Variants in IGBP1C observed in about 807,000 individuals in gnomAD.
IGBP1C encodes the protein immunoglobulin-binding protein 1 family member C.
chr17:58,668,199 T>C, the IGBP1C span, among the ~76,000 whole-genome samples: 2 of 152,172 alleles, frequency 1.3e-5, no homozygotes, highest in Non-Finnish European at 2.9e-5. Context: ...ACCACTGACC[T>C]CCACACTGCT....
At chr17:58,682,107 T>C in the IGBP1C span, among the ~76,000 whole-genome samples, 1 of 150,780 alleles carries the variant, frequency 6.6e-6, no homozygotes, top group Non-Finnish European at 1.5e-5. Flanking sequence ...CACTACCATG[T>C]CTGGCTAACT....
At chr17:58,668,405 G>GT in the IGBP1C span, among the ~76,000 whole-genome samples, 1 of 152,210 alleles carries the variant, frequency 6.6e-6, no homozygotes, top group Admixed American at 6.6e-5. Context: ...AGGAGCTGCA[G>GT]TAACTATAAA....
the IGBP1C span, among the ~76,000 whole-genome samples, chr17:58,674,275 C>CA: frequency 0.19 from 25,168 of 134,298 alleles, 2,199 homozygotes; most frequent in Non-Finnish European, 0.21. Context: ...GACTCTGTCT[C>CA]AAAAAAAAAA....
chr17:58,671,742 C>T, the IGBP1C span, among the ~76,000 whole-genome samples: 4 of 152,108 alleles, frequency 2.6e-5, no homozygotes, highest in Non-Finnish European at 4.4e-5. Flanking sequence ...TTTAAAAACT[C>T]GTTTTCTTGT....
the IGBP1C span, among the ~76,000 whole-genome samples, chr17:58,673,074 C>A: frequency 6.6e-6 from 1 of 151,882 alleles, no homozygotes; most frequent in East Asian, 1.9e-4. Flanking sequence ...AAATTTCTTA[C>A]AATTGAGTGG....
chr17:58,689,326 T>C, the IGBP1C span, among the ~76,000 whole-genome samples: 1 of 152,134 alleles, frequency 6.6e-6, no homozygotes, highest in Non-Finnish European at 1.5e-5. Context: ...GTTCAAGCTA[T>C]TCTCCTGCCT....
chr17:58,660,988 A>G, the IGBP1C span: 2 of 1,172,162 alleles, frequency 1.7e-6, no homozygotes, highest in East Asian at 2.3e-5. Context: ...CTAAGCTGAT[A>G]TCAATCCACC....
the IGBP1C span, among the ~76,000 whole-genome samples, chr17:58,690,159 T>C: frequency 6.7e-5 from 10 of 150,366 alleles, no homozygotes; most frequent in Non-Finnish European, 1.3e-4. Context: ...TTTTTTGTTT[T>C]TTTTATTTTG....
At chr17:58,686,801 G>A in the IGBP1C span, among the ~76,000 whole-genome samples, 1 of 144,408 alleles carries the variant, frequency 6.9e-6, no homozygotes, top group African/African-American at 2.5e-5. Flanking sequence ...TTTCTCCTCA[G>A]TCTGAACAAC....
the IGBP1C span, chr17:58,661,663 G>C: frequency 1.6e-6 from 1 of 624,102 alleles, no homozygotes; most frequent in Middle Eastern, 3.6e-4. Flanking sequence ...AGATTCTGGC[G>C]TAGATTTCTA....
chr17:58,664,779 T>C, the IGBP1C span, among the ~76,000 whole-genome samples: 1 of 152,220 alleles, frequency 6.6e-6, no homozygotes, highest in African/African-American at 2.4e-5. Context: ...AAAAGATGAA[T>C]ATATTATTAT....
At chr17:58,661,864 T>C in the IGBP1C span, 930 of 375,236 alleles carry the variant, frequency 2.5e-3, 2 homozygotes, top group Non-Finnish European at 3.6e-3. Context: ...ACTGCCTTCC[T>C]GGCTCACAAG....
At chr17:58,662,649 T>C in the IGBP1C span, among the ~76,000 whole-genome samples, 1 of 152,150 alleles carries the variant, frequency 6.6e-6, no homozygotes, top group East Asian at 1.9e-4. Context: ...TCCTAAGACA[T>C]GCCCCTCAGT....
the IGBP1C span, among the ~76,000 whole-genome samples, chr17:58,666,203 C>T: frequency 6.6e-6 from 1 of 151,752 alleles, no homozygotes; most frequent in African/African-American, 2.4e-5. Flanking sequence ...ATTAGCCAGG[C>T]ATGGTGGTGC....
the IGBP1C span, among the ~76,000 whole-genome samples, chr17:58,663,279 G>T: frequency 5.3e-5 from 8 of 151,328 alleles, no homozygotes; most frequent in African/African-American, 1.5e-4. Flanking sequence ...AAAATTAGCC[G>T]GTTGTGGCGG....
chr17:58,660,969 CA>C, the IGBP1C span: 1 of 1,146,414 alleles, frequency 8.7e-7, no homozygotes, highest in African/African-American at 1.5e-5. Context: ...TCAATGCTCT[CA>C]ATCTCTTCTA....
the IGBP1C span, chr17:58,660,986 A>G: frequency 1.0e-5 from 12 of 1,168,434 alleles, no homozygotes; most frequent in South Asian, 3.7e-5. Context: ...TTCTAAGCTG[A>G]TATCAATCCA....
the IGBP1C span, among the ~76,000 whole-genome samples, chr17:58,674,241 A>G: frequency 6.6e-6 from 1 of 150,448 alleles, no homozygotes; most frequent in African/African-American, 2.5e-5. Flanking sequence ...GCACCACTGC[A>G]CTCCAGCCTG....
chr17:58,666,561 C>T, the IGBP1C span: 1 of 151,704 alleles, frequency 6.6e-6, no homozygotes. Flanking sequence ...AACGCAATCT[C>T]CCGCTACCAC....
Sources: allele counts gnomAD v4.1 joint callset (sites outside exome capture counted in the v4.1 genomes callset), GRCh38; gene constraint gnomAD v4.1.1; transcripts MANE v1.5; gene names NCBI Gene and HGNC (gene_info 2026-07-23, HGNC 2026-07-21).